RASSF8: variants seen among roughly 807,000 people sequenced by gnomAD.
RASSF8 encodes Ras association domain family member 8, also known as ras association domain-containing protein 8.
RASSF8 carries 22 observed loss-of-function variants against 48.5 expected under a neutral mutation model. The ratio of observed to expected loss-of-function variants is 0.45; its 90% CI spans 0.32 to 0.65. The LOEUF (loss-of-function observed/expected upper bound fraction) is 0.65, where lower values mean the gene tolerates loss of function less well. RASSF8 is among the 30% of genes least tolerant of loss of function. The pLI is 0.03. For synonymous variants in RASSF8, 127 were observed against 171.5 expected (o/e 0.74, Z 2.03); for missense variants, 418 against 489.2 (o/e 0.85, Z 1.37).
intron 2 of RASSF8, among the ~76,000 whole-genome samples, chr12:26,000,982 CTTTTTTTTT>C (rs34793650): frequency 3.7e-5 from 3 of 81,044 alleles, no homozygotes; most frequent in African/African-American, 1.0e-4. Flanking sequence ...TTAAAATTTC[CTTTTTTTTT>C]TTTTTTTTTT....
chr12:26,031,378 C>T (rs948310534), intron 2 of RASSF8, among the ~76,000 whole-genome samples: 1 of 152,194 alleles, frequency 6.6e-6, no homozygotes, highest in East Asian at 1.9e-4. Flanking sequence ...TTTGGCTCAT[C>T]GTTACACGTG....
At chr12:25,974,163 G>T (rs1447947352) in intron 1 of RASSF8, among the ~76,000 whole-genome samples, 1 of 152,010 alleles carries the variant, frequency 6.6e-6, no homozygotes, top group African/African-American at 2.4e-5. Context: ...TAAATGGAGT[G>T]TAATTTTTTT....
intron 3 of RASSF8, among the ~76,000 whole-genome samples, chr12:26,058,077 C>T (rs1030325604): frequency 6.6e-6 from 1 of 152,180 alleles, no homozygotes; most frequent in African/African-American, 2.4e-5. Context: ...TATTTGTGAA[C>T]AAGCCAAAAA....
intron 1 of RASSF8, among the ~76,000 whole-genome samples, chr12:25,983,801 T>C (rs1941801509): frequency 6.6e-6 from 1 of 152,056 alleles, no homozygotes; most frequent in Admixed American, 6.6e-5. Context: ...ATACTAAAAA[T>C]AGTGAACAAC....
At chr12:26,039,165 G>A (rs1592297009) in intron 2 of RASSF8, among the ~76,000 whole-genome samples, 1 of 152,140 alleles carries the variant, frequency 6.6e-6, no homozygotes, top group South Asian at 2.1e-4. Flanking sequence ...AGGTTCAGAA[G>A]GTGAATTCTT....
rs1944015595 is a variant in RASSF8 at position 26,072,302 on chromosome 12, C to T, written c.*3484C>T. On this transcript the variant is annotated 3_prime_UTR_variant, in exon 6 of 6. Coordinates refer to ENST00000689635, the MANE Select transcript of RASSF8 (RefSeq NM_001394098.1). ...GTATTTTTAAGTTTGGGGTGAAGGC[C>T]ATCAGCTGTATCAAAAAGACAAAAC... The T allele has an allele frequency of 2.0e-6, 2 of 985,020 alleles. No individual in the cohort carries two copies. Among genetic ancestry groups the T allele is most frequent in the Non-Finnish European group, 2.4e-6 (2 of 829,784 alleles). 61.0% of individuals were successfully genotyped at this position (985,020 alleles called of 1,614,324 possible).
chr12:26,026,376 A>G lies in RASSF8; in HGVS notation c.-108-28860A>G, dbSNP rs113935048. On this transcript the variant is annotated intron_variant, in intron 2 of 5. Transcript: ENST00000689635. ...AAGATGTTTGACGTTATTAGCCTTC[A>G]GAGAAATGAAAATGAAAATAAGATA... Among the ~76,000 whole-genome samples, 1,043 of 152,360 alleles carry G rather than the reference A, an allele frequency of 6.8e-3. 13 individuals carry two copies. Among genetic ancestry groups the G allele is most frequent in the African/African-American group, 0.024 (981 of 41,582 alleles).
At chr12:25,982,233 A>G (rs542740561) in intron 1 of RASSF8, among the ~76,000 whole-genome samples, 41 of 152,232 alleles carry the variant, frequency 2.7e-4, no homozygotes, top group Non-Finnish European at 5.7e-4. Context: ...AGAGATTGAG[A>G]ATTCTTTAAT....
chr12:26,050,412 C>T (rs2137211558), intron 2 of RASSF8, among the ~76,000 whole-genome samples: 1 of 152,230 alleles, frequency 6.6e-6, no homozygotes, highest in South Asian at 2.1e-4. Flanking sequence ...AAACTGTGTG[C>T]CGAGCCCTGT....
At chr12:25,983,527 A>G (rs1207779953) in intron 1 of RASSF8, among the ~76,000 whole-genome samples, 1 of 152,170 alleles carries the variant, frequency 6.6e-6, no homozygotes, top group East Asian at 1.9e-4. Context: ...TTTCTCATTT[A>G]TTCTTTTTCA....
chr12:26,049,807 G>A (rs960004756), intron 2 of RASSF8, among the ~76,000 whole-genome samples: 5 of 151,950 alleles, frequency 3.3e-5, no homozygotes, highest in South Asian at 2.1e-4. Flanking sequence ...TTTTTGAGAC[G>A]GAGTCTCGCT....
intron 3 of RASSF8, among the ~76,000 whole-genome samples, chr12:26,060,349 T>C (rs954212531): frequency 6.6e-6 from 1 of 152,094 alleles, no homozygotes; most frequent in African/African-American, 2.4e-5. Flanking sequence ...TATTCAGAGA[T>C]AATTTTTTAT....
chr12:26,054,463 T>TTA, intron 2 of RASSF8, among the ~76,000 whole-genome samples: 1 of 152,302 alleles, frequency 6.6e-6, no homozygotes, highest in Admixed American at 6.5e-5. Flanking sequence ...AAGAAAACTA[T>TTA]CAAACCCAGT....
At chr12:26,065,557 T>C (rs1279869922) in intron 4 of RASSF8, among the ~76,000 whole-genome samples, 170 bp downstream of exon 4, 2 of 152,220 alleles carry the variant, frequency 1.3e-5, no homozygotes, top group East Asian at 1.9e-4. Context: ...ATGGGAGCAG[T>C]AGCCTTGCGG....
chr12:25,993,079 CT>C (rs1942053013), intron 1 of RASSF8, among the ~76,000 whole-genome samples: 1 of 152,186 alleles, frequency 6.6e-6, no homozygotes, highest in Non-Finnish European at 1.5e-5. Context: ...CAAGCCCTGA[CT>C]TTTGTCAAGC....
At chr12:26,078,146 G>A (rs1464543924) in intron 5 of RASSF8, among the ~76,000 whole-genome samples, 2 of 152,148 alleles carry the variant, frequency 1.3e-5, no homozygotes, top group African/African-American at 4.8e-5. Context: ...ATATAGCAGT[G>A]AATCACAAAA....
chr12:25,984,090 C>G (rs1055122788), intron 1 of RASSF8, among the ~76,000 whole-genome samples: 19 of 152,258 alleles, frequency 1.2e-4, no homozygotes, highest in Admixed American at 3.9e-4. Context: ...GAGATAGGGT[C>G]TGGCCCAGTC....
At chr12:25,976,767 C>T (rs1302740057) in intron 1 of RASSF8, among the ~76,000 whole-genome samples, 1 of 152,120 alleles carries the variant, frequency 6.6e-6, no homozygotes, top group East Asian at 1.9e-4. Context: ...ATGCCAAGAA[C>T]CTGGACAACT....
chr12:26,071,774 C>G lies in RASSF8; in HGVS notation c.*2956C>G. 1.0e-6 allele frequency: 1 copy of G among 982,532 alleles called. No individual in the cohort carries two copies. Among genetic ancestry groups the G allele is most frequent in the Non-Finnish European group, 1.2e-6 (1 of 827,770 alleles). 60.9% of individuals were successfully genotyped at this position (982,532 alleles called of 1,614,324 possible). On this transcript the variant is annotated 3_prime_UTR_variant, in exon 6 of 6. Coordinates refer to ENST00000689635, the MANE Select transcript of RASSF8 (RefSeq NM_001394098.1). The stretch of plus-strand genomic sequence containing the variant: ...AGTTCAAATTAGTCATAAACAAGAG[C>G]TACAGCAAGACTGATAGAGTAAAAA...
Sources: allele counts gnomAD v4.1 joint callset (sites outside exome capture counted in the v4.1 genomes callset), GRCh38; gene constraint gnomAD v4.1.1; transcripts MANE v1.5; gene names NCBI Gene and HGNC (gene_info 2026-07-23, HGNC 2026-07-21).